RNF17: variants seen among roughly 807,000 people sequenced by gnomAD.
The protein encoded by RNF17 is spermatogenesis associated 23.
In RNF17, 31 loss-of-function variants were observed where a neutral mutation model predicts 200.5. That is an observed-to-expected ratio of 0.15 (90% CI 0.12 to 0.21). The LOEUF (loss-of-function observed/expected upper bound fraction) is 0.21. RNF17 is among the 10% of genes least tolerant of loss of function. The pLI is 1.00. For missense variants in RNF17, 1,628 were observed against 1,905.1 expected, an observed-to-expected ratio of 0.85 and a Z score of 2.71; for synonymous variants, 606 against 637.8, an observed-to-expected ratio of 0.95 and a Z score of 0.75.
intron 9 of RNF17, among the ~76,000 whole-genome samples, chr13:24,790,264 G>A (rs1210622179): frequency 6.6e-6 from 1 of 152,066 alleles, no homozygotes; most frequent in Non-Finnish European, 1.5e-5. Context: ...CATCTTATAG[G>A]CAGTGAATAT....
At chr13:24,838,863 G>C (rs1218541146) in intron 18 of RNF17, among the ~76,000 whole-genome samples, 1 of 151,980 alleles carries the variant, frequency 6.6e-6, no homozygotes, top group Non-Finnish European at 1.5e-5. Flanking sequence ...ATCCAAATCA[G>C]TAAAGAAAAA....
Position 24,804,312 on chromosome 13 carries a change from T to G in RNF17, c.1974T>G (p.Ser658Arg). 6.2e-7 allele frequency: 1 copy of G among 1,613,188 alleles called. No individual in the cohort carries two copies. The highest frequency in any genetic ancestry group is 8.5e-7 in the Non-Finnish European group (1 of 1,179,432). ...GGTTTAAGTCACAATCACTAAGAAG[T>G]CACTTTGAAAAAAATACTACTTTAC... ...LAKFKSQSLRSHFEKNTTLHY... is the reference protein window; with the variant it reads ...LAKFKSQSLRRHFEKNTTLHY... Residue 658 changes from serine (S) to arginine (R), a missense_variant, in exon 15 of 36, where the codon AGT becomes AGG. Physicochemically the swap from Ser to Arg is moderately radical, Grantham distance 110. Transcript: ENST00000255324.
In RNF17 at chr13:24,800,429, A is replaced by G; in HGVS notation, c.1653A>G (p.Leu551=). 1 of 1,613,106 alleles carries G rather than the reference A, an allele frequency of 6.2e-7. No homozygotes were observed. Among genetic ancestry groups the G allele is most frequent in the East Asian group, 2.2e-5 (1 of 44,822 alleles). Residue 551 remains leucine, a synonymous_variant, in exon 13 of 36, where the codon TTA becomes TTG. Transcript: ENST00000255324. ...SAKQHIALND[L]CLVLRKSEPY... ...AGCAACATATTGCACTAAATGATTT[A>G]TGTCTGGTTCTAAGGAAATCTGAAC...
At chr13:24,824,778 G>A (rs1027709731) in intron 15 of RNF17, among the ~76,000 whole-genome samples, 12 of 152,142 alleles carry the variant, frequency 7.9e-5, no homozygotes, top group African/African-American at 2.4e-4. Flanking sequence ...TTAAGACTTC[G>A]TTATTACAAG....
chr13:24,863,436 C>T (rs543298343), intron 28 of RNF17, among the ~76,000 whole-genome samples: 36 of 152,190 alleles, frequency 2.4e-4, no homozygotes, highest in Admixed American at 6.6e-4. Flanking sequence ...TAGTGAATAG[C>T]ATTCAGGAGA....
chr13:24,797,745 T>TGTG (rs61047281), intron 11 of RNF17, among the ~76,000 whole-genome samples: 4 of 151,410 alleles, frequency 2.6e-5, no homozygotes, highest in African/African-American at 7.3e-5. Flanking sequence ...TGTGTGTGTG[T>TGTG]TTACCCTGCA....
At chr13:24,866,801 A>T (rs1184076654) in intron 30 of RNF17, among the ~76,000 whole-genome samples, 2 of 152,160 alleles carry the variant, frequency 1.3e-5, no homozygotes, top group African/African-American at 4.8e-5. Context: ...GGAATTACTG[A>T]GTCTGTGGTA....
intron 27 of RNF17, among the ~76,000 whole-genome samples, chr13:24,862,321 T>C (rs1893181332): frequency 6.6e-6 from 1 of 152,224 alleles, no homozygotes; most frequent in African/African-American, 2.4e-5. Flanking sequence ...TCTCACCATG[T>C]GAACCTCTCA....
At chr13:24,836,236 C>T (rs1459685249) in intron 18 of RNF17, among the ~76,000 whole-genome samples, 1 of 152,146 alleles carries the variant, frequency 6.6e-6, no homozygotes, top group Non-Finnish European at 1.5e-5. Context: ...CCCAGCCTTG[C>T]TAGAGACCTG....
intron 15 of RNF17, 42 bp downstream of exon 15, chr13:24,804,471 A>T: frequency 3.4e-6 from 5 of 1,475,766 alleles, no homozygotes; most frequent in Non-Finnish European, 4.6e-6. Context: ...TTTTAAAAAA[A>T]TTTTAATTAG....
intron 33 of RNF17, 135 bp from the exon 34 acceptor site, chr13:24,876,861 TC>T (rs57975935): frequency 1 from 649,866 of 650,334 alleles, 324,701 homozygotes; most frequent in East Asian, 1. Context: ...CTGATTTTTC[TC>T]ATGCTTTTGG....
intron 1 of RNF17, 46 bp from the exon 2 acceptor site, chr13:24,767,223 CAAT>C (rs1040915839): frequency 5.6e-6 from 7 of 1,249,576 alleles, no homozygotes; most frequent in Admixed American, 1.8e-5. Flanking sequence ...GACCCTGTCT[CAAT>C]AATCATCATC....
intron 34 of RNF17, among the ~76,000 whole-genome samples, chr13:24,878,595 A>C (rs756505186): frequency 7.9e-5 from 12 of 152,184 alleles, no homozygotes; most frequent in Non-Finnish European, 1.2e-4. Flanking sequence ...TGCAAGTTCT[A>C]CAGTCCAAAA....
intron 15 of RNF17, among the ~76,000 whole-genome samples, chr13:24,820,695 C>G (rs1335915580): frequency 2.0e-5 from 3 of 152,162 alleles, no homozygotes; most frequent in Non-Finnish European, 4.4e-5. Context: ...TTGGCCTCCC[C>G]AAAGTGCTGG....
At chr13:24,826,229 C>T (rs1684218507) in intron 16 of RNF17, 1 of 298,402 alleles carries the variant, frequency 3.4e-6, no homozygotes, top group African/African-American at 2.3e-5. Flanking sequence ...TCTACATCCT[C>T]CTTAAGTAAT....
At chr13:24,763,369 A>AATTTTTTTTTTT (rs1879008237), upstream of RNF17, among the ~76,000 whole-genome samples, 1 of 114,710 alleles carries the variant, frequency 8.7e-6, no homozygotes, top group South Asian at 3.1e-4. Flanking sequence ...CGTCCGGCTA[A>AATTTTTTTTTTT]TTTTTTTTTT....
chr13:24,885,287 G>C, the RNF17 span: 1 of 1,599,902 alleles, frequency 6.3e-7, no homozygotes, highest in Non-Finnish European at 8.6e-7. Context: ...TTTCCATCAG[G>C]ATGACTGATT....
In RNF17 at chr13:24,764,317, G is replaced by A. The variant is rs1316868548; in HGVS notation, c.114G>A (p.Arg38=). Residue 38 remains arginine, a synonymous_variant, in exon 1 of 36, where the codon AGG becomes AGA. Coordinates refer to ENST00000255324, the MANE Select transcript of RNF17 (RefSeq NM_031277.3). ...AEIQCTRCGR[R]VSRSSGHHCE... ...TCCAGTGCACCAGGTGTGGAAGGAG[G>A]GTATCCAGATCATCCGGTGAGGAGC... 3.1e-6 allele frequency: 5 copies of A among 1,606,954 alleles called. No homozygotes were observed. The African/African-American group carries it at 5.3e-5, about 17-fold the overall frequency.
chr13:24,834,743 G>A (rs1374109055), intron 18 of RNF17, among the ~76,000 whole-genome samples: 1 of 152,166 alleles, frequency 6.6e-6, no homozygotes, highest in Non-Finnish European at 1.5e-5. Context: ...CAGTGGGAGA[G>A]GAGCAGGATG....
Sources: allele counts gnomAD v4.1 joint callset (sites outside exome capture counted in the v4.1 genomes callset), GRCh38; gene constraint gnomAD v4.1.1; transcripts MANE v1.5; gene names NCBI Gene and HGNC (gene_info 2026-07-23, HGNC 2026-07-21).